SND1: variants seen among roughly 807,000 people sequenced by gnomAD.
The protein encoded by SND1 is staphylococcal nuclease domain-containing protein 1.
A neutral mutation model predicts 121.7 loss-of-function variants in SND1; 38 were observed. The observed-to-expected ratio is 0.31, with a 90% CI of 0.24 to 0.41. The LOEUF is 0.41. Among genes scored for constraint, SND1 ranks in the 10% least tolerant of loss-of-function variants. The probability of loss-of-function intolerance (pLI) is 1.00; values close to 1 mark genes in which losing one functional copy is unlikely to be tolerated. For missense variants in SND1, 868 were observed against 1,184.6 expected (o/e 0.73, Z 3.92); for synonymous variants, 401 against 447.4 (o/e 0.90, Z 1.31).
intron 16 of SND1, among the ~76,000 whole-genome samples, chr7:128,036,294 A>G (rs908891983): frequency 5.3e-5 from 8 of 152,210 alleles, no homozygotes; most frequent in Admixed American, 4.6e-4. Context: ...AATAAGTAAA[A>G]TCAGAATTGC....
At chr7:127,698,731 C>G in intron 3 of SND1, 144 bp from the exon 4 acceptor site, 1 of 655,708 alleles carries the variant, frequency 1.5e-6, no homozygotes, top group Non-Finnish European at 2.7e-6. Context: ...CTGAAAAACC[C>G]AATGCTACAT....
chr7:127,992,227 G>A (rs964551281), intron 16 of SND1, among the ~76,000 whole-genome samples: 1 of 152,162 alleles, frequency 6.6e-6, no homozygotes, highest in Non-Finnish European at 1.5e-5. Context: ...TGCATGCAAA[G>A]TAAAAATCCT....
intron 10 of SND1, among the ~76,000 whole-genome samples, chr7:127,723,598 G>A (rs1796533669): frequency 6.6e-6 from 1 of 152,200 alleles, no homozygotes; most frequent in Non-Finnish European, 1.5e-5. Flanking sequence ...CTTGAATGTA[G>A]TGGTAGAAGG....
At chr7:127,863,247 G>A (rs1563039758) in intron 12 of SND1, among the ~76,000 whole-genome samples, 1 of 152,150 alleles carries the variant, frequency 6.6e-6, no homozygotes, top group Non-Finnish European at 1.5e-5. Context: ...AGCAAGTCCA[G>A]TATCCCACAC....
intron 10 of SND1, among the ~76,000 whole-genome samples, chr7:127,732,596 AC>A (rs1796699188): frequency 6.6e-6 from 1 of 152,144 alleles, no homozygotes; most frequent in African/African-American, 2.4e-5. Flanking sequence ...GGCATCTTTA[AC>A]CTGAGTCACT....
At chr7:127,722,371 T>C (rs1796511658) in intron 10 of SND1, among the ~76,000 whole-genome samples, 1 of 151,734 alleles carries the variant, frequency 6.6e-6, no homozygotes, top group African/African-American at 2.4e-5. Context: ...GCAGTGGCTA[T>C]TCACAGGTGT....
At chr7:127,879,637 G>A (rs542633859) in intron 12 of SND1, among the ~76,000 whole-genome samples, 8 of 152,122 alleles carry the variant, frequency 5.3e-5, no homozygotes, top group Non-Finnish European at 8.8e-5. Flanking sequence ...TGGTATGTTA[G>A]GAATCAATAT....
At chr7:127,816,854 G>T (rs574614012) in intron 11 of SND1, among the ~76,000 whole-genome samples, 3 of 151,824 alleles carry the variant, frequency 2.0e-5, no homozygotes, top group Non-Finnish European at 4.4e-5. Context: ...GTAGGGATAG[G>T]GTTTCACCAT....
At chr7:127,939,323 T>G (rs777836387) in intron 15 of SND1, among the ~76,000 whole-genome samples, 5 of 152,088 alleles carry the variant, frequency 3.3e-5, no homozygotes, top group Non-Finnish European at 7.4e-5. Flanking sequence ...ACCTGAAGAT[T>G]GGGAGTAGGA....
intron 16 of SND1, among the ~76,000 whole-genome samples, chr7:128,065,663 C>T (rs1284606918): frequency 6.6e-6 from 1 of 152,256 alleles, no homozygotes; most frequent in East Asian, 1.9e-4. Flanking sequence ...GGGTACAGCT[C>T]TAAAGCCATA....
intron 9 of SND1, among the ~76,000 whole-genome samples, chr7:127,719,246 A>G (rs1587618049): frequency 6.6e-6 from 1 of 152,038 alleles, no homozygotes; most frequent in African/African-American, 2.4e-5. Context: ...CAATTGTCCA[A>G]CCCACTACTG....
intron 14 of SND1, among the ~76,000 whole-genome samples, chr7:127,921,742 T>C (rs1194389539): frequency 6.6e-6 from 1 of 152,238 alleles, no homozygotes; most frequent in African/African-American, 2.4e-5. Flanking sequence ...TAGAGTCAAC[T>C]TCTAGTCCCT....
At chr7:127,968,850 T>C (rs1801913697) in intron 15 of SND1, among the ~76,000 whole-genome samples, 1 of 152,138 alleles carries the variant, frequency 6.6e-6, no homozygotes, top group African/African-American at 2.4e-5. Context: ...GCAGGGCACA[T>C]ATAGTTTGTT....
At chr7:127,762,649 G>C (rs1177755991) in intron 10 of SND1, among the ~76,000 whole-genome samples, 1 of 152,200 alleles carries the variant, frequency 6.6e-6, no homozygotes, top group African/African-American at 2.4e-5. Context: ...GTCTAGTAGA[G>C]AGAATACTTT....
At chr7:127,892,873 A>T (rs1584646507) in intron 13 of SND1, among the ~76,000 whole-genome samples, 1 of 125,090 alleles carries the variant, frequency 8.0e-6, no homozygotes, top group South Asian at 2.5e-4. Flanking sequence ...CTCCCTTTTT[A>T]GAAGCATCAT....
At chr7:127,745,464 T>C (rs1796964967) in intron 10 of SND1, among the ~76,000 whole-genome samples, 1 of 152,190 alleles carries the variant, frequency 6.6e-6, no homozygotes, top group Admixed American at 6.5e-5. Context: ...GATTCAGATT[T>C]TTTTGTTTGT....
chr7:127,721,546 A>G, intron 10 of SND1, 146 bp downstream of exon 10: 1 of 530,256 alleles, frequency 1.9e-6, no homozygotes, highest in Non-Finnish European at 3.4e-6. Context: ...ATTTTCTAAT[A>G]TTTATAGCCT....
At chr7:128,018,937 T>C (rs1803288842) in intron 16 of SND1, among the ~76,000 whole-genome samples, 1 of 152,224 alleles carries the variant, frequency 6.6e-6, no homozygotes, top group Non-Finnish European at 1.5e-5. Flanking sequence ...TGTACTTCTG[T>C]CCTGGAAATG....
chr7:127,917,649 C>T (rs1400249690), intron 14 of SND1, among the ~76,000 whole-genome samples: 1 of 152,160 alleles, frequency 6.6e-6, no homozygotes, highest in Non-Finnish European at 1.5e-5. Context: ...TTTAGAACTC[C>T]TGAGCTCAAG....
Sources: allele counts gnomAD v4.1 joint callset (sites outside exome capture counted in the v4.1 genomes callset), GRCh38; gene constraint gnomAD v4.1.1; transcripts MANE v1.5; gene names NCBI Gene and HGNC (gene_info 2026-07-23, HGNC 2026-07-21).